SLC35F4: variants seen among roughly 807,000 people sequenced by gnomAD.
SLC35F4 encodes solute carrier family 35 member F4, also known as chromosome 14 open reading frame 36.
Under a neutral mutation model 44.2 loss-of-function variants are expected in SLC35F4, and 24 were observed. The observed-to-expected ratio is 0.54, with a 90% CI of 0.39 to 0.76. The LOEUF (loss-of-function observed/expected upper bound fraction) is 0.76, where lower values mean the gene tolerates loss of function less well. Ranked by LOEUF, SLC35F4 falls within the 30% of genes least tolerant of loss-of-function variation. SLC35F4 has a pLI of 0.00. For missense variants in SLC35F4, 562 were observed against 586.1 expected (o/e 0.96, Z 0.42); for synonymous variants, 238 against 223.6 (o/e 1.06, Z -0.57).
At chr14:57,620,735 GT>G (rs2072131847) in intron 1 of SLC35F4, among the ~76,000 whole-genome samples, 1 of 152,144 alleles carries the variant, frequency 6.6e-6, no homozygotes, top group African/African-American at 2.4e-5. Flanking sequence ...AGCATGAAGG[GT>G]TGTTGAATTT....
intron 1 of SLC35F4, among the ~76,000 whole-genome samples, chr14:57,664,526 A>G (rs1018008480): frequency 6.6e-6 from 1 of 151,878 alleles, no homozygotes; most frequent in Non-Finnish European, 1.5e-5. Flanking sequence ...TTCCTGCCTC[A>G]CCCTCCCAAG....
At chr14:57,709,777 A>G (rs1217416395) in intron 1 of SLC35F4, among the ~76,000 whole-genome samples, 1 of 152,166 alleles carries the variant, frequency 6.6e-6, no homozygotes, top group African/African-American at 2.4e-5. Context: ...GGTAGAAGAA[A>G]TTTCTAAGCA....
intron 1 of SLC35F4, among the ~76,000 whole-genome samples, chr14:57,949,153 A>G (rs531006869): frequency 3.0e-4 from 46 of 152,144 alleles, no homozygotes; most frequent in African/African-American, 1.0e-3. Context: ...TTATTGTGTT[A>G]CCATCTATCT....
intron 1 of SLC35F4, among the ~76,000 whole-genome samples, chr14:57,708,828 T>G (rs1445534755): frequency 6.6e-6 from 1 of 151,940 alleles, no homozygotes; most frequent in African/African-American, 2.4e-5. Context: ...GTGAGCCATC[T>G]CCAATGATAG....
intron 1 of SLC35F4, among the ~76,000 whole-genome samples, chr14:57,763,349 A>G (rs1194639671): frequency 6.6e-6 from 1 of 152,212 alleles, no homozygotes; most frequent in Non-Finnish European, 1.5e-5. Flanking sequence ...CCTTAGCACA[A>G]CTAAGACATA....
intron 1 of SLC35F4, among the ~76,000 whole-genome samples, chr14:57,767,524 T>C (rs1052886615): frequency 1.3e-5 from 2 of 152,200 alleles, no homozygotes; most frequent in African/African-American, 4.8e-5. Context: ...TATCAATATA[T>C]GTAGGATACA....
At chr14:57,824,460 C>T (rs1278168675) in intron 1 of SLC35F4, among the ~76,000 whole-genome samples, 5 of 152,088 alleles carry the variant, frequency 3.3e-5, no homozygotes, top group African/African-American at 1.2e-4. Flanking sequence ...TATATAGGTA[C>T]ATACATAAAT....
rs1215869332 is a variant in SLC35F4, at chr14:57,702,342, A to ACG, written c.104-108219_104-108218insCG. 5.9e-4 allele frequency among the ~76,000 whole-genome samples: 89 copies of ACG among 151,736 alleles called. 1 individual carries two copies. The highest frequency in any genetic ancestry group is 2.0e-3 in the African/African-American group (81 of 41,394). Reference sequence around the variant, plus strand: ...AATATCATTTTCTTTAAAAAAAAAAAAAAAAAAAGGAAAACAGGGTGCTTA... The same window carrying ACG: ...AATATCATTTTCTTTAAAAAAAAAAACGAAAAAAAAGGAAAACAGGGTGCTTA... On this transcript the variant is annotated intron_variant, in intron 1 of 7. Coordinates refer to ENST00000556826, the MANE Select transcript of SLC35F4 (RefSeq NM_001306087.2).
chr14:57,957,609 G>A (rs145008426), intron 1 of SLC35F4, among the ~76,000 whole-genome samples: 186 of 152,216 alleles, frequency 1.2e-3, no homozygotes, highest in Non-Finnish European at 2.2e-3. Context: ...TCCCAGCTAA[G>A]ATCAAACAAG....
chr14:57,631,388 A>T lies in SLC35F4; in HGVS notation c.104-37264T>A, dbSNP rs151116406. 2.1e-4 allele frequency among the ~76,000 whole-genome samples: 32 copies of T among 152,254 alleles called. No homozygotes were observed. The South Asian group carries it at 6.6e-3, about 32-fold the overall frequency. Reference sequence around the variant, plus strand: ...CAAAAATAATTTTAAAGGGAAAATAATGTTCTTATATAGTTATTATAAAGT... The same window carrying T: ...CAAAAATAATTTTAAAGGGAAAATATTGTTCTTATATAGTTATTATAAAGT... On this transcript the variant is annotated intron_variant, in intron 1 of 7. Coordinates refer to ENST00000556826, the MANE Select transcript of SLC35F4 (RefSeq NM_001306087.2).
intron 1 of SLC35F4, among the ~76,000 whole-genome samples, chr14:57,886,735 G>T (rs78003695): frequency 6.6e-6 from 1 of 151,864 alleles, no homozygotes; most frequent in African/African-American, 2.4e-5. Flanking sequence ...TTTTTACAGA[G>T]CTCTTTAGTA....
intron 1 of SLC35F4, among the ~76,000 whole-genome samples, chr14:57,929,663 A>C (rs1011230043): frequency 1.3e-5 from 2 of 152,192 alleles, no homozygotes; most frequent in Non-Finnish European, 2.9e-5. Context: ...GAACATCCAG[A>C]GTTTCTTGTA....
At position 57,865,986 on chromosome 14, in the gene SLC35F4, C is replaced by CACAGCG. The variant is rs1888134759; in HGVS notation, c.-167_-162dup. 5.0e-6 allele frequency: 2 copies of CACAGCG among 400,924 alleles called. No homozygotes were observed. The highest frequency in any genetic ancestry group is 8.3e-6 in the Non-Finnish European group (2 of 239,960). The allele number at this position is 400,924 out of a possible 1,614,324, so 24.8% of individuals were successfully genotyped here. On this transcript the variant is annotated 5_prime_UTR_variant, in exon 1 of 8. Transcript: ENST00000556826. Reference sequence around the variant, plus strand: ...GCCCGGCGCAGCACCGGCTCCGCATCACAGCGGCGGCGGCGGCGGCGGCGG... The same window carrying CACAGCG: ...GCCCGGCGCAGCACCGGCTCCGCATCACAGCGACAGCGGCGGCGGCGGCGGCGGCGG...
intron 1 of SLC35F4, among the ~76,000 whole-genome samples, chr14:57,643,911 T>C (rs2073366227): frequency 6.6e-6 from 1 of 152,210 alleles, no homozygotes; most frequent in Admixed American, 6.5e-5. Context: ...AATGATGGTT[T>C]CCAGCTTCAT....
chr14:57,588,212 T>G (rs957561162), intron 3 of SLC35F4, among the ~76,000 whole-genome samples: 3 of 152,242 alleles, frequency 2.0e-5, no homozygotes, highest in African/African-American at 7.2e-5. Context: ...GTTAAGTTTA[T>G]AAGAAGAGTC....
chr14:57,612,369 C>G (rs2071564552), intron 1 of SLC35F4, among the ~76,000 whole-genome samples: 1 of 152,170 alleles, frequency 6.6e-6, no homozygotes, highest in Non-Finnish European at 1.5e-5. Context: ...TTTTCTCTAG[C>G]CTGGTTGATG....
chr14:57,955,988 T>C (rs544167057), intron 1 of SLC35F4, among the ~76,000 whole-genome samples: 15 of 151,902 alleles, frequency 9.9e-5, no homozygotes, highest in African/African-American at 3.1e-4. Flanking sequence ...GCCAAGAAAA[T>C]CCTAAGAAAA....
chr14:57,801,950 G>C (rs1002122865), intron 1 of SLC35F4, among the ~76,000 whole-genome samples: 1 of 152,014 alleles, frequency 6.6e-6, no homozygotes, highest in Non-Finnish European at 1.5e-5. Context: ...AAATATCCAG[G>C]ACCTAAACTC....
intron 1 of SLC35F4, among the ~76,000 whole-genome samples, chr14:57,790,608 C>G (rs774376626): frequency 3.9e-5 from 6 of 152,172 alleles, no homozygotes; most frequent in Non-Finnish European, 7.4e-5. Context: ...CTACCATTGA[C>G]TTTCTTCACA....
Sources: gnomAD v4.1 joint callset for allele counts (sites outside exome capture counted in the v4.1 genomes callset) on GRCh38, gnomAD v4.1.1 for gene constraint, MANE v1.5 for transcripts, NCBI Gene and HGNC (gene_info 2026-07-23, HGNC 2026-07-21) for gene names.